Variants in PLOD1 observed in about 807,000 individuals in gnomAD.
PLOD1 encodes procollagen-lysine,2-oxoglutarate 5-dioxygenase 1, also known as lysine hydroxylase.
Under a neutral mutation model 94.7 loss-of-function variants are expected in PLOD1, and 70 were observed. The ratio of observed to expected loss-of-function variants is 0.74; its 90% confidence interval spans 0.61 to 0.90. The LOEUF is 0.90. Among genes scored for constraint, PLOD1 ranks in the 40% least tolerant of loss-of-function variants. The pLI is 0.00. For synonymous variants in PLOD1, 417 were observed against 400.2 expected (o/e 1.04, Z -0.50); for missense variants, 905 against 972.7 (o/e 0.93, Z 0.93).
At chr1:11,938,778 A>G (rs1645596653) in intron 1 of PLOD1, among the ~76,000 whole-genome samples, 1 of 152,086 alleles carries the variant, frequency 6.6e-6, no homozygotes, top group African/African-American at 2.4e-5. Context: ...TGGTGCATGG[A>G]GAGAAACATG....
chr1:11,959,879 G>A (rs958440043), intron 9 of PLOD1, among the ~76,000 whole-genome samples: 5 of 150,866 alleles, frequency 3.3e-5, no homozygotes, highest in African/African-American at 4.9e-5. Flanking sequence ...GCCTGCCAAA[G>A]TGCTGCGATT....
intron 6 of PLOD1, 123 bp downstream of exon 6, chr1:11,955,016 C>CAA: frequency 1.3e-6 from 1 of 746,738 alleles, no homozygotes; most frequent in Non-Finnish European, 2.3e-6. Context: ...TGAGAGGTCA[C>CAA]TGGCCTCATC....
In PLOD1 at chr1:11,972,605, C is replaced by G. The variant is rs1645873968; in HGVS notation, c.1903-267C>G. Reference sequence around the variant, plus strand: ...TTCATTTCTTCTCTTCCCTTTTCCTCCCTTCCTCCCTCCCTCCCTTCCTTT... The same window carrying G: ...TTCATTTCTTCTCTTCCCTTTTCCTGCCTTCCTCCCTCCCTCCCTTCCTTT... On this transcript the variant is annotated intron_variant, in intron 17 of 18. Coordinates refer to ENST00000196061, the MANE Select transcript of PLOD1 (RefSeq NM_000302.4). The surrounding 1 kb of genome is among the most constrained non-coding windows in gnomAD (Gnocchi z 4.6). 2.3e-6 allele frequency: 1 copy of G among 439,756 alleles called. No individual in the cohort carries two copies. The highest frequency in any genetic ancestry group is 2.0e-5 in the African/African-American group (1 of 50,276). The allele number at this position is 439,756 out of a possible 1,614,324, so 27.2% of individuals were successfully genotyped here.
At position 11,934,873 on chromosome 1, in the gene PLOD1, G is replaced by T; in HGVS notation, c.76+18G>T. On this transcript the variant is annotated intron_variant, in intron 1 of 18. Coordinates refer to ENST00000196061, the MANE Select transcript of PLOD1 (RefSeq NM_000302.4). ...GCCGGAGGGTGAGGGAGCGAAGGCC[G>T]GGGGCGGGAGCGCGGATCCGGGCGG... 6.5e-7 allele frequency: 1 copy of T among 1,532,406 alleles called. No individual in the cohort carries two copies. The highest frequency in any genetic ancestry group is 8.7e-7 in the Non-Finnish European group (1 of 1,143,252). 94.9% of individuals were successfully genotyped at this position (1,532,406 alleles called of 1,614,324 possible). A position where few individuals can be genotyped will look rare whatever the true frequency, so the allele number is the denominator to read the frequency against.
At position 11,965,590 on chromosome 1, in the gene PLOD1, C is replaced by T. The variant is rs142934642; in HGVS notation, c.1581C>T (p.Pro527=). ...ACCTCTGGGAGGTGTTCAGCAACCC[C>T]GAGGTGAGGCCAGGGTGGGCACATA... ...HNDLWEVFSN[P]EDWKEKYIHQ... is the part of the protein sequence containing the mutation. Residue 527 remains proline, a synonymous_variant, in exon 14 of 19, where the codon CCC becomes CCT. Coordinates refer to ENST00000196061, the MANE Select transcript of PLOD1 (RefSeq NM_000302.4). 49 of 1,597,458 alleles carry T rather than the reference C, an allele frequency of 3.1e-5. No homozygotes were observed. The highest frequency in any genetic ancestry group is 1.6e-4 in the East Asian group (7 of 44,808).
In PLOD1 at chr1:11,959,877, A is replaced by G. The variant is rs187674240; in HGVS notation, c.976-769A>G. The stretch of plus-strand genomic sequence containing the variant: ...GTGATCTGCCTGCCTCCGCCTGCCA[A>G]AGTGCTGCGATTACAGCCATGAGCC... On this transcript the variant is annotated intron_variant, in intron 9 of 18. Coordinates refer to ENST00000196061, the MANE Select transcript of PLOD1 (RefSeq NM_000302.4). Among the ~76,000 whole-genome samples the G allele has an allele frequency of 1.7e-3, 260 of 151,048 alleles. 2 individuals carry two copies. The highest frequency in any genetic ancestry group is 5.5e-3 in the African/African-American group (224 of 41,096).
Position 11,963,804 on chromosome 1 carries a change from C to G in PLOD1, c.1202+168C>G, listed in dbSNP as rs1382676893. Among the ~76,000 whole-genome samples the G allele has an allele frequency of 6.7e-6, 1 of 149,056 alleles. No individual in the cohort carries two copies. Among genetic ancestry groups the G allele is most frequent in the South Asian group, 2.1e-4 (1 of 4,710 alleles). ...CGTCTTCCTCCTTGTCTTCCTCCTC[C>G]TCTTCCTCTTCCTCCTCTTCCTCCT... On this transcript the variant is annotated intron_variant, in intron 11 of 18. Transcript: ENST00000196061. The surrounding 1 kb of genome is among the most constrained non-coding windows in gnomAD (Gnocchi z 4.3).
intron 10 of PLOD1, among the ~76,000 whole-genome samples, chr1:11,962,350 C>T (rs1195547272): frequency 5.8e-5 from 8 of 138,834 alleles, no homozygotes; most frequent in African/African-American, 1.9e-4. Flanking sequence ...AATATTGGCT[C>T]ACTGCAAGCT....
chr1:11,963,578 G>A lies in PLOD1; in HGVS notation c.1144G>A (p.Asp382Asn). ...CAGCTGCACCTACTACTTCAGCGTG[G>A]ATGCTGACGTGGCCCTGACCGAGCC... ...DRSCTYYFSV[D>N]ADVALTEPNS... The change falls in exon 11 of 19, where the codon GAT becomes AAT. Residue 382 changes from aspartate to asparagine, a missense_variant. By Grantham distance (23) the Asp-to-Asn change is conservative. Transcript: ENST00000196061. The surrounding 1 kb of genome is among the most constrained non-coding windows in gnomAD (Gnocchi z 4.3). 1 of 1,605,344 alleles carries A rather than the reference G, an allele frequency of 6.2e-7. No homozygotes were observed. Among genetic ancestry groups the A allele is most frequent in the South Asian group, 1.1e-5 (1 of 89,014 alleles).
intron 1 of PLOD1, among the ~76,000 whole-genome samples, chr1:11,941,562 C>T (rs944571878): frequency 6.6e-6 from 1 of 152,060 alleles, no homozygotes; most frequent in Admixed American, 6.6e-5. Context: ...CTCATTGCAA[C>T]CTCTGCCTCC....
intron 12 of PLOD1, 135 bp downstream of exon 12, chr1:11,964,435 C>A (rs1645801384): frequency 2.0e-6 from 2 of 1,024,506 alleles, no homozygotes; most frequent in Non-Finnish European, 3.0e-6. Flanking sequence ...AGGAAGACTT[C>A]AGTTAGACAC....
Position 11,974,867 on chromosome 1 carries a change from C to T in PLOD1, c.*59C>T. 5.1e-6 allele frequency: 8 copies of T among 1,570,974 alleles called. No homozygotes were observed. The highest frequency in any genetic ancestry group is 7.0e-6 in the Non-Finnish European group (8 of 1,140,744). On this transcript the variant is annotated 3_prime_UTR_variant, in exon 19 of 19. Transcript: ENST00000196061. The stretch of plus-strand genomic sequence containing the variant: ...TTTGCCGACAACCACTGCCCAGCAG[C>T]CTCTGGGACCTCGGGGTCCCAGGGA...
intron 12 of PLOD1, 27 bp downstream of exon 12, chr1:11,964,327 T>TGGGGGGTGGGG: frequency 5.5e-6 from 3 of 546,368 alleles, no homozygotes; most frequent in Middle Eastern, 4.7e-4. Context: ...TGGGGGTGGG[T>TGGGGGGTGGGG]GGGGGACACC....
chr1:11,958,060 C>T lies in PLOD1; in HGVS notation c.843+117C>T. ...TCTTTGGTGGAAAGTGAAGGGGTCA[C>T]CTCCCTGCCTGGGGTTCTATCCCGG... On this transcript the variant is annotated intron_variant, in intron 8 of 18. Transcript: ENST00000196061. This position sits in a 1 kb window ranked among gnomAD's most constrained non-coding sequence, Gnocchi z 4.3. The T allele has an allele frequency of 2.6e-6, 2 of 758,802 alleles. No individual in the cohort carries two copies. The highest frequency in any genetic ancestry group is 3.0e-5 in the South Asian group (2 of 65,906). The allele number at this position is 758,802 out of a possible 1,614,324, so 47.0% of individuals were successfully genotyped here.
At chr1:11,937,211 A>C (rs1478223219) in intron 1 of PLOD1, among the ~76,000 whole-genome samples, 1 of 152,130 alleles carries the variant, frequency 6.6e-6, no homozygotes, top group Non-Finnish European at 1.5e-5. Flanking sequence ...CACGTCTCCC[A>C]GTGGTAAAGC....
chr1:11,939,133 G>T (rs1280009341), intron 1 of PLOD1, among the ~76,000 whole-genome samples: 2 of 152,168 alleles, frequency 1.3e-5, no homozygotes, highest in Admixed American at 6.5e-5. Flanking sequence ...GAGATCAGAG[G>T]CTCAGCTGGC....
chr1:11,948,499 C>G (rs1645672646), intron 2 of PLOD1, among the ~76,000 whole-genome samples: 1 of 152,098 alleles, frequency 6.6e-6, no homozygotes, highest in Non-Finnish European at 1.5e-5. Context: ...CTTTGGGAGT[C>G]TGATGATCCA....
chr1:11,957,197 A>G lies in PLOD1; in HGVS notation c.741+183A>G, dbSNP rs377138951. On this transcript the variant is annotated intron_variant, in intron 7 of 18. Transcript: ENST00000196061. This position sits in a 1 kb window ranked among gnomAD's most constrained non-coding sequence, Gnocchi z 4.1. The stretch of plus-strand genomic sequence containing the variant: ...GCCTTCTTTTCCTGCTGTGGTGGTC[A>G]GTGGTACTCTGTCTGTTCTTGCTGG... 15 of 759,724 alleles carry G rather than the reference A, an allele frequency of 2.0e-5. No individual in the cohort carries two copies. Among genetic ancestry groups the G allele is most frequent in the Non-Finnish European group, 3.7e-5 (15 of 405,690 alleles). The allele number at this position is 759,724 out of a possible 1,614,324, so 47.1% of individuals were successfully genotyped here.
chr1:11,948,736 A>G (rs371499332), intron 2 of PLOD1, among the ~76,000 whole-genome samples: 3,719 of 152,116 alleles, frequency 0.024, 126 homozygotes, highest in African/African-American at 0.085. Context: ...TCTCAAAAAA[A>G]AAAAAGAAAA....
Sources: allele counts gnomAD v4.1 joint callset (sites outside exome capture counted in the v4.1 genomes callset), GRCh38; gene constraint gnomAD v4.1.1; non-coding constraint Gnocchi (gnomAD v3.1); transcripts MANE v1.5; gene names NCBI Gene and HGNC (gene_info 2026-07-23, HGNC 2026-07-21).